The following ATAD5 variants were observed in gnomAD, a reference collection of about 807,000 sequenced individuals.
ATAD5 encodes the protein ATPase family AAA domain containing 5.
Under a neutral mutation model 176.9 loss-of-function variants are expected in ATAD5, and 58 were observed. The observed-to-expected ratio is 0.33, with a 90% CI of 0.27 to 0.41. The LOEUF (loss-of-function observed/expected upper bound fraction) is 0.41, where lower values mean the gene tolerates loss of function less well. Among genes scored for constraint, ATAD5 ranks in the 10% least tolerant of loss-of-function variants. The pLI is 1.00. For missense variants in ATAD5, 1,789 were observed against 2,094.1 expected (o/e 0.85, Z 2.84); for synonymous variants, 640 against 712.6 (o/e 0.90, Z 1.62).
At chr17:30,850,278 C>T (rs1460797170) in intron 6 of ATAD5, among the ~76,000 whole-genome samples, 1 of 151,932 alleles carries the variant, frequency 6.6e-6, no homozygotes, top group Non-Finnish European at 1.5e-5. Flanking sequence ...TATCTGTTAA[C>T]CAACCTCTGG....
intron 6 of ATAD5, among the ~76,000 whole-genome samples, chr17:30,850,908 A>G (rs1013530171): frequency 3.4e-5 from 2 of 58,770 alleles, no homozygotes; most frequent in Non-Finnish European, 6.2e-5. Context: ...TTTTTGAGAT[A>G]GAGTCTTGCT....
At chr17:30,881,912 C>G (rs191545463) in intron 18 of ATAD5, among the ~76,000 whole-genome samples, 3 of 150,702 alleles carry the variant, frequency 2.0e-5, no homozygotes, top group African/African-American at 7.4e-5. Flanking sequence ...GACCCTGTCC[C>G]CCCCCCAAAA....
intron 14 of ATAD5, among the ~76,000 whole-genome samples, chr17:30,876,168 T>A (rs1908661964): frequency 6.6e-6 from 1 of 151,824 alleles, no homozygotes; most frequent in Non-Finnish European, 1.5e-5. Context: ...ATAAAATAAA[T>A]AAATGACTGG....
chr17:30,878,954 ACTCCTG>A (rs1908849190), intron 17 of ATAD5, among the ~76,000 whole-genome samples: 1 of 151,736 alleles, frequency 6.6e-6, no homozygotes, highest in African/African-American at 2.4e-5. Context: ...CTGGTCTCGA[ACTCCTG>A]ACCTCATGTG....
chr17:30,842,807 G>A (rs549852385), intron 4 of ATAD5, among the ~76,000 whole-genome samples: 2 of 152,190 alleles, frequency 1.3e-5, no homozygotes, highest in Middle Eastern at 3.4e-3. Flanking sequence ...TTAATGGCGC[G>A]ATCTCAGCTC....
chr17:30,850,830 T>TATATA (rs1567683465), intron 6 of ATAD5, among the ~76,000 whole-genome samples: 2 of 22,810 alleles, frequency 8.8e-5, no homozygotes, highest in Non-Finnish European at 1.4e-4. Flanking sequence ...TATTTATATA[T>TATATA]TTTTATATAT....
intron 6 of ATAD5, among the ~76,000 whole-genome samples, chr17:30,850,423 T>C (rs73277960): frequency 0.14 from 20,355 of 149,838 alleles, 1,554 homozygotes; most frequent in South Asian, 0.24. Flanking sequence ...TGCAGTGGTG[T>C]GCTCACAGCT....
chr17:30,840,792 T>C lies in ATAD5; in HGVS notation c.2241+11T>C. ...TTGTCAGAAACAGAAGTAAGTATTATAAATATCTGTTGGTATAAATTCTCT... is the reference window on the plus strand; with the variant it reads ...TTGTCAGAAACAGAAGTAAGTATTACAAATATCTGTTGGTATAAATTCTCT... On this transcript the variant is annotated intron_variant, in intron 4 of 22. Coordinates refer to ENST00000321990, the MANE Select transcript of ATAD5 (RefSeq NM_024857.5). 6.3e-7 allele frequency: 1 copy of C among 1,585,624 alleles called. No homozygotes were observed.
chr17:30,840,895 TAG>T, intron 4 of ATAD5, 114 bp downstream of exon 4: 2 of 1,012,054 alleles, frequency 2.0e-6, no homozygotes, highest in Non-Finnish European at 1.4e-6. Flanking sequence ...CTTGAAGTGG[TAG>T]AGAGAATATC....
intron 8 of ATAD5, among the ~76,000 whole-genome samples, chr17:30,857,740 C>CTTTT: frequency 7.1e-6 from 1 of 140,532 alleles, no homozygotes; most frequent in African/African-American, 2.6e-5. Context: ...GTGACTAAAG[C>CTTTT]TATTTTTTTT....
At chr17:30,842,298 TAATA>T (rs1163310807) in intron 4 of ATAD5, among the ~76,000 whole-genome samples, 1 of 146,390 alleles carries the variant, frequency 6.8e-6, no homozygotes, top group South Asian at 2.2e-4. Flanking sequence ...AATAAATAAA[TAATA>T]AATAAAATAA....
In ATAD5 at chr17:30,865,745, C is replaced by T; in HGVS notation, c.3178C>T (p.Pro1060Ser). 1 of 1,592,690 alleles carries T rather than the reference C, an allele frequency of 6.3e-7. No individual in the cohort carries two copies. The highest frequency in any genetic ancestry group is 8.5e-7 in the Non-Finnish European group (1 of 1,172,664). The change falls in exon 11 of 23, where the codon CCT becomes TCT. Residue 1060 changes from proline to serine, a missense_variant. Pro to Ser is a moderately conservative substitution (Grantham distance 74). Coordinates refer to ENST00000321990, the MANE Select transcript of ATAD5 (RefSeq NM_024857.5). ...CATGCTTTGGACAGAAAAGTATCAA[C>T]CTCAGACTGCCAGTGAACTTATAGG... ...EDMLWTEKYQ[P>S]QTASELIGNE... is the part of the protein sequence containing the mutation.
In ATAD5 at chr17:30,837,300, T is replaced by A. The variant is rs747134496; in HGVS notation, c.2062T>A (p.Ser688Thr). 1.3e-6 allele frequency: 2 copies of A among 1,563,242 alleles called. No individual in the cohort carries two copies. Among genetic ancestry groups the A allele is most frequent in the South Asian group, 2.5e-5 (2 of 81,604 alleles). The stretch of plus-strand genomic sequence containing the variant: ...TGAAGCAACTGATGGAGGTTTTACT[T>A]CTCAGATTAGAAAGGTAATTAAAAT... ...KSEATDGGFT[S>T]QIRKASNTSK... The change falls in exon 3 of 23, where the codon TCT (serine) becomes ACT (threonine). Residue 688 changes from serine (S) to threonine (T), a missense_variant. Around this residue, in one of 6 missense-constraint regions of ATAD5, gnomAD observed 487 missense variants for 573.6 expected, o/e 0.85. Coordinates refer to ENST00000321990, the MANE Select transcript of ATAD5 (RefSeq NM_024857.5).
chr17:30,841,593 T>G (rs527341552), intron 4 of ATAD5, among the ~76,000 whole-genome samples: 3 of 152,286 alleles, frequency 2.0e-5, no homozygotes, highest in Non-Finnish European at 4.4e-5. Flanking sequence ...TTGGAACATT[T>G]TCATTTCCCC....
At chr17:30,875,933 C>T (rs923573022) in intron 14 of ATAD5, among the ~76,000 whole-genome samples, 2 of 151,430 alleles carry the variant, frequency 1.3e-5, no homozygotes, top group East Asian at 2.0e-4. Context: ...GTCAGGAGAT[C>T]GAGACCATCC....
chr17:30,894,206 T>C, intron 21 of ATAD5, 56 bp downstream of exon 21: 2 of 1,386,208 alleles, frequency 1.4e-6, no homozygotes, highest in South Asian at 3.0e-5. Context: ...AAAGGGGAAA[T>C]CAATAGAGTT....
At chr17:30,854,724 GT>G (rs1358255181) in intron 6 of ATAD5, among the ~76,000 whole-genome samples, 2 of 151,458 alleles carry the variant, frequency 1.3e-5, no homozygotes, top group Admixed American at 6.6e-5. Flanking sequence ...CTCTTTTCTG[GT>G]TTTTGTTTTG....
intron 6 of ATAD5, among the ~76,000 whole-genome samples, chr17:30,849,925 TA>T (rs1906766709): frequency 6.6e-6 from 1 of 152,096 alleles, no homozygotes; most frequent in Non-Finnish European, 1.5e-5. Flanking sequence ...GTTGTATTGG[TA>T]TAAGAACAGA....
rs1422257143 is a variant in ATAD5 at position 30,877,492 on chromosome 17, C to T, written c.3861C>T (p.Asp1287=). 5 of 1,609,824 alleles carry T rather than the reference C, an allele frequency of 3.1e-6. No individual in the cohort carries two copies. Among genetic ancestry groups the T allele is most frequent in the South Asian group, 2.2e-5 (2 of 90,566 alleles). Residue 1287 remains aspartate, a synonymous_variant, in exon 16 of 23, where the codon GAC becomes GAT. Coordinates refer to ENST00000321990, the MANE Select transcript of ATAD5 (RefSeq NM_024857.5). The part of the protein sequence containing the change: ...STNATNSNVK[D]VGAEEPSRKN... ...ATGCAACTAATTCAAATGTCAAAGA[C>T]GTTGGAGCTGAAGAACCCAGCAGAA...
Sources: gnomAD v4.1 joint callset for allele counts (sites outside exome capture counted in the v4.1 genomes callset) on GRCh38, gnomAD v4.1.1 for gene constraint, gnomAD v4.1.1 regional missense constraint, MANE v1.5 for transcripts, NCBI Gene and HGNC (gene_info 2026-07-23, HGNC 2026-07-21) for gene names.